TLCD3B: variants seen among roughly 807,000 people sequenced by gnomAD.
TLCD3B encodes ceramide synthase.
A neutral mutation model predicts 23.0 loss-of-function variants in TLCD3B; 9 were observed. The ratio of observed to expected loss-of-function variants is 0.39; its 90% CI spans 0.24 to 0.68. TLCD3B has a LOEUF of 0.68. Among genes scored for constraint, TLCD3B ranks in the 30% least tolerant of loss-of-function variants. The probability of loss-of-function intolerance (pLI) is 0.44; values close to 1 mark genes in which losing one functional copy is unlikely to be tolerated. For missense variants in TLCD3B, 307 were observed against 371.8 expected (o/e 0.83, Z 1.43); for synonymous variants, 161 against 161.0 (o/e 1.00, Z 0.00).
rs538919957 is a variant in TLCD3B, at chr16:30,047,763, A to AT, written c.-293-1377dup. On this transcript the variant is annotated intron_variant, in intron 1 of 6. Coordinates refer to the TLCD3B transcript ENST00000561666. ...TGTGAGCCACTGTACGTGGCCTATA[A>AT]TTTTTTTTTTTTTTGAGATAGTGTC... 1.8e-3 allele frequency among the ~76,000 whole-genome samples: 261 copies of AT among 145,010 alleles called. 2 individuals are homozygous for AT. Among genetic ancestry groups the AT allele is most frequent in the Admixed American group, 3.8e-3 (55 of 14,512 alleles).
intron 1 of TLCD3B, among the ~76,000 whole-genome samples, chr16:30,051,792 T>C (rs1390025809): frequency 2.0e-5 from 3 of 152,078 alleles, no homozygotes; most frequent in East Asian, 1.9e-4. Context: ...CTGCCTGAGG[T>C]TGGCAGGGAG....
At chr16:30,051,296 G>T (rs886903826) in intron 1 of TLCD3B, among the ~76,000 whole-genome samples, 3 of 151,982 alleles carry the variant, frequency 2.0e-5, no homozygotes, top group Non-Finnish European at 4.4e-5. Context: ...CACTTTGGGA[G>T]GCCAAGGCGG....
chr16:30,051,169 G>A (rs967526112), intron 1 of TLCD3B, among the ~76,000 whole-genome samples: 3 of 152,072 alleles, frequency 2.0e-5, no homozygotes, highest in African/African-American at 2.4e-5. Flanking sequence ...GCCGAGGTGG[G>A]AGGATCATTT....
At position 30,026,667 on chromosome 16, in the gene TLCD3B, T is replaced by A; in HGVS notation, c.386A>T (p.Glu129Val). 6.2e-7 allele frequency: 1 copy of A among 1,613,252 alleles called. No homozygotes were observed. The highest frequency in any genetic ancestry group is 8.5e-7 in the Non-Finnish European group (1 of 1,179,646). ...WAIARGYLHKEFLMVLHHAAM... is the reference protein window; with the variant it reads ...WAIARGYLHKVFLMVLHHAAM... The stretch of plus-strand genomic sequence containing the variant: ...GGCATGGTGGAGCACCATGAGGAAC[T>A]CCTTGTGCAGGTAGCCACGCGCTAT... The change falls in exon 3 of 5, where the codon GAG becomes GTG. Residue 129 changes from glutamate (E) to valine (V), a missense_variant. Physicochemically the swap from Glu to Val is moderately radical, Grantham distance 121. Transcript: ENST00000380495.
In TLCD3B at chr16:30,025,147, T is replaced by G. The variant is rs987765793; in HGVS notation, c.*36A>C. On this transcript the variant is annotated 3_prime_UTR_variant, in exon 5 of 5. Coordinates refer to ENST00000380495, the MANE Select transcript of TLCD3B (RefSeq NM_031478.6). The surrounding 1 kb of genome is among the most constrained non-coding windows in gnomAD (Gnocchi z 4.1). ...CCCCAGAGCCCTGTCTCCACGGGGGTGGGGGTGGGGAGGGGGAGGGTCCCG... is the reference window on the plus strand; with the variant it reads ...CCCCAGAGCCCTGTCTCCACGGGGGGGGGGGTGGGGAGGGGGAGGGTCCCG... 4.2e-5 allele frequency: 52 copies of G among 1,240,266 alleles called. No individual in the cohort carries two copies. Among genetic ancestry groups the G allele is most frequent in the Non-Finnish European group, 5.1e-5 (47 of 928,944 alleles). The allele number at this position is 1,240,266 out of a possible 1,614,324, so 76.8% of individuals were successfully genotyped here.
At chr16:30,050,382 T>A (rs1168635059) in intron 1 of TLCD3B, among the ~76,000 whole-genome samples, 1 of 151,946 alleles carries the variant, frequency 6.6e-6, no homozygotes, top group African/African-American at 2.4e-5. Flanking sequence ...ATACAAAAAA[T>A]TTTAAAAATT....
At chr16:30,038,212 T>G (rs2071509576) in intron 3 of TLCD3B, among the ~76,000 whole-genome samples, 1 of 151,938 alleles carries the variant, frequency 6.6e-6, no homozygotes, top group Non-Finnish European at 1.5e-5. Context: ...ATCTGTGAGG[T>G]TGGGTTAATA....
chr16:30,045,678 G>A (rs989892371), intron 2 of TLCD3B, among the ~76,000 whole-genome samples: 4 of 138,228 alleles, frequency 2.9e-5, no homozygotes, highest in African/African-American at 8.1e-5. Flanking sequence ...GTGTGTTGAT[G>A]TGTTTGGTGT....
At chr16:30,042,221 T>C (rs1162574624) in intron 2 of TLCD3B, among the ~76,000 whole-genome samples, 1 of 151,952 alleles carries the variant, frequency 6.6e-6, no homozygotes, top group Non-Finnish European at 1.5e-5. Context: ...TTTATTTATT[T>C]ATTTACTTAT....
In TLCD3B at chr16:30,030,545, G is replaced by A. The variant is rs191793435; in HGVS notation, c.-18C>T. On this transcript the variant is annotated 5_prime_UTR_variant, in exon 1 of 5. Coordinates refer to ENST00000380495, the MANE Select transcript of TLCD3B (RefSeq NM_031478.6). ...GTCAGCATGGTGGCTCAGGACTTGG[G>A]CAGGGAGGCAGGCGGGCCGTGAAGG... The A allele has an allele frequency of 1.1e-4, 176 of 1,559,528 alleles. No homozygotes were observed. In the African/African-American group the frequency reaches 2.2e-3, roughly 19 times the overall value.
chr16:30,052,988 C>G (rs2071792143), upstream of TLCD3B: 2 of 152,230 alleles, frequency 1.3e-5, no homozygotes, highest in South Asian at 4.1e-4. Flanking sequence ...GAGAAAGCCC[C>G]GAGGGCCGCG....
rs1288077534 is a variant in TLCD3B, at chr16:30,027,049, G to A, written c.210-206C>T. 4.4e-6 allele frequency: 3 copies of A among 676,992 alleles called. No homozygotes were observed. The South Asian group carries it at 4.5e-5, about 10-fold the overall frequency. 41.9% of individuals were successfully genotyped at this position (676,992 alleles called of 1,614,324 possible). Reference sequence around the variant, plus strand: ...AGAGATGGTGCTGGGATTCAAACCTGTGGTCTCAGAACTCACCCATGTTCC... The same window carrying A: ...AGAGATGGTGCTGGGATTCAAACCTATGGTCTCAGAACTCACCCATGTTCC... On this transcript the variant is annotated intron_variant, in intron 2 of 4. Coordinates refer to ENST00000380495, the MANE Select transcript of TLCD3B (RefSeq NM_031478.6).
At chr16:30,045,456 GTGTGTGTGTATT>G (rs2071653686) in intron 2 of TLCD3B, among the ~76,000 whole-genome samples, 1 of 138,282 alleles carries the variant, frequency 7.2e-6, no homozygotes, top group Non-Finnish European at 1.6e-5. Flanking sequence ...TGCATGTGTG[GTGTGTGTGTATT>G]TGTGTGTGTG....
intron 1 of TLCD3B, among the ~76,000 whole-genome samples, chr16:30,047,313 T>C (rs2071689410): frequency 6.6e-6 from 1 of 151,932 alleles, no homozygotes; most frequent in Non-Finnish European, 1.5e-5. Flanking sequence ...ATTTTTGCTT[T>C]TTGGTTTTGG....
chr16:30,030,471 G>A lies in TLCD3B; in HGVS notation c.57C>T (p.Ser19=). The change falls in exon 1 of 5, where the codon TCC becomes TCT. Residue 19 remains serine (S), a synonymous_variant. Transcript: ENST00000380495. ...GVVFPGLFLL[S]KNTLQRLPQL... is the part of the protein sequence containing the mutation. Reference sequence around the variant, plus strand: ...GGGGCAGCCGCTGGAGCGTGTTCTTGGAGAGGAGGAAGAGTCCGGGGAACA... The same window carrying A: ...GGGGCAGCCGCTGGAGCGTGTTCTTAGAGAGGAGGAAGAGTCCGGGGAACA... 1 of 1,607,940 alleles carries A rather than the reference G, an allele frequency of 6.2e-7. No homozygotes were observed. The highest frequency in any genetic ancestry group is 8.5e-7 in the Non-Finnish European group (1 of 1,177,796).
In TLCD3B at chr16:30,029,063, G is replaced by A. The variant is rs931409093; in HGVS notation, c.209+369C>T. ...TGGATTATGGGAAGGGCTGAGGGGT[G>A]AGCCTGGCATGAGGAGGGGGCACCC... On this transcript the variant is annotated intron_variant, in intron 2 of 4. Transcript: ENST00000380495. This position sits in a 1 kb window ranked among gnomAD's most constrained non-coding sequence, Gnocchi z 4.6. Among the ~76,000 whole-genome samples the A allele has an allele frequency of 1.3e-5, 2 of 152,190 alleles. No individual in the cohort carries two copies. Among genetic ancestry groups the A allele is most frequent in the Non-Finnish European group, 2.9e-5 (2 of 68,028 alleles).
At chr16:30,037,016 C>G (rs1399085346) in intron 3 of TLCD3B, among the ~76,000 whole-genome samples, 2 of 151,422 alleles carry the variant, frequency 1.3e-5, no homozygotes, top group African/African-American at 4.9e-5. Context: ...ACCCGGGAGG[C>G]AGAGGTTGCA....
intron 3 of TLCD3B, among the ~76,000 whole-genome samples, chr16:30,038,238 T>C (rs2071509879): frequency 6.6e-6 from 1 of 152,132 alleles, no homozygotes; most frequent in African/African-American, 2.4e-5. Flanking sequence ...TGTCACATCA[T>C]TAAATGCTGC....
At chr16:30,050,748 C>T (rs1156885676) in intron 1 of TLCD3B, among the ~76,000 whole-genome samples, 3 of 152,192 alleles carry the variant, frequency 2.0e-5, no homozygotes, top group Non-Finnish European at 4.4e-5. Context: ...TCCAGGGACA[C>T]AGCCCCTGGC....
Sources: gnomAD v4.1 joint callset for allele counts (sites outside exome capture counted in the v4.1 genomes callset) on GRCh38, gnomAD v4.1.1 for gene constraint, Gnocchi (gnomAD v3.1) non-coding constraint, MANE v1.5 for transcripts, NCBI Gene and HGNC (gene_info 2026-07-23, HGNC 2026-07-21) for gene names.